The following DAB1 variants were observed in gnomAD, a reference collection of about 807,000 sequenced individuals.
The protein encoded by DAB1 is disabled homolog 1.
DAB1 carries 15 observed loss-of-function variants against 64.6 expected under a neutral mutation model. That is an observed-to-expected ratio of 0.23 (90% CI 0.16 to 0.36). The LOEUF (loss-of-function observed/expected upper bound fraction) is 0.36. DAB1 is among the 10% of genes least tolerant of loss of function. The pLI, the probability that DAB1 is intolerant of heterozygous loss-of-function variation, is 1.00. For missense variants in DAB1, 596 were observed against 706.7 expected, an observed-to-expected ratio of 0.84 and a Z score of 1.78; for synonymous variants, 235 against 251.9, an observed-to-expected ratio of 0.93 and a Z score of 0.64.
chr1:58,212,323 A>G (rs1370773326), intron 4 of DAB1, among the ~76,000 whole-genome samples: 2 of 152,206 alleles, frequency 1.3e-5, no homozygotes, highest in Non-Finnish European at 2.9e-5. Flanking sequence ...TGATGTAGGC[A>G]TGATTATACC....
intron 6 of DAB1, among the ~76,000 whole-genome samples, chr1:57,681,275 GTCT>G: frequency 6.6e-6 from 1 of 152,278 alleles, no homozygotes; most frequent in Admixed American, 6.5e-5. Flanking sequence ...TCAGATGACT[GTCT>G]TCTTATAAGG....
chr1:57,811,257 C>G lies in DAB1; in HGVS notation n.551+72742G>C, dbSNP rs1007907355. Among the ~76,000 whole-genome samples, 3 of 152,290 alleles carry G rather than the reference C, an allele frequency of 2.0e-5. No homozygotes were observed. The East Asian group carries it at 5.8e-4, about 29-fold the overall frequency. On this transcript the variant is annotated intron_variant and non_coding_transcript_variant, in intron 6 of 20. Coordinates refer to the DAB1 transcript ENST00000485760. ...CACGTCAAATTGTAATCCCCAATGTCGAAGGTGGGGGCTGGTGGAAGGTGA... is the reference window on the plus strand; with the variant it reads ...CACGTCAAATTGTAATCCCCAATGTGGAAGGTGGGGGCTGGTGGAAGGTGA...
chr1:57,320,563 A>G (rs1675623896), intron 1 of DAB1, among the ~76,000 whole-genome samples: 1 of 152,208 alleles, frequency 6.6e-6, no homozygotes, highest in African/African-American at 2.4e-5. Flanking sequence ...TGCACATACT[A>G]CAATGCATGG....
chr1:57,405,784 TA>T (rs1454925916), intron 1 of DAB1, among the ~76,000 whole-genome samples: 5 of 152,198 alleles, frequency 3.3e-5, no homozygotes, highest in African/African-American at 9.6e-5. Context: ...GAAGGATCAT[TA>T]AATTATACCG....
intron 7 of DAB1, among the ~76,000 whole-genome samples, chr1:57,491,090 A>G (rs1303432426): frequency 2.0e-5 from 3 of 152,178 alleles, no homozygotes; most frequent in Non-Finnish European, 2.9e-5. Context: ...TAACTCATCT[A>G]TCTTCACTGA....
chr1:57,995,881 G>C (rs1646417461), intron 5 of DAB1, among the ~76,000 whole-genome samples: 1 of 151,970 alleles, frequency 6.6e-6, no homozygotes, highest in Non-Finnish European at 1.5e-5. Flanking sequence ...ATCCAGGATA[G>C]AATCTAAATT....
intron 4 of DAB1, among the ~76,000 whole-genome samples, chr1:58,202,387 GC>G (rs776735941): frequency 2.0e-5 from 3 of 152,332 alleles, no homozygotes; most frequent in Non-Finnish European, 4.4e-5. Flanking sequence ...CTGAGGCTCA[GC>G]AAGATAAAGT....
At chr1:58,118,509 C>A (rs1355977519) in intron 5 of DAB1, among the ~76,000 whole-genome samples, 1 of 84,408 alleles carries the variant, frequency 1.2e-5, no homozygotes, top group Non-Finnish European at 2.3e-5. Context: ...TATATACACA[C>A]ACACACACAC....
chr1:57,712,236 C>T (rs1240470051), intron 6 of DAB1, among the ~76,000 whole-genome samples: 1 of 152,100 alleles, frequency 6.6e-6, no homozygotes, highest in African/African-American at 2.4e-5. Context: ...GTTACTATTG[C>T]CACAATTTTC....
intron 4 of DAB1, among the ~76,000 whole-genome samples, chr1:58,183,708 G>C: frequency 6.6e-6 from 1 of 151,986 alleles, no homozygotes; most frequent in African/African-American, 2.4e-5. Context: ...AGGAATTCTG[G>C]ATTCTGATTC....
intron 3 of DAB1, among the ~76,000 whole-genome samples, chr1:58,398,552 CCTACA>C (rs1644542959): frequency 6.6e-6 from 1 of 152,224 alleles, no homozygotes; most frequent in Admixed American, 6.5e-5. Context: ...AGTATAATAA[CCTACA>C]CTTAGAGAGC....
At chr1:58,477,722 C>T (rs1645432797) in intron 3 of DAB1, among the ~76,000 whole-genome samples, 2 of 152,020 alleles carry the variant, frequency 1.3e-5, no homozygotes, top group African/African-American at 4.8e-5. Flanking sequence ...AGAAAGACTG[C>T]AAAGAAAAAA....
intron 4 of DAB1, among the ~76,000 whole-genome samples, chr1:58,332,039 T>C (rs1662981228): frequency 6.6e-6 from 1 of 152,208 alleles, no homozygotes; most frequent in Admixed American, 6.5e-5. Context: ...TCTGAACTTC[T>C]TCAGCTCCCA....
intron 4 of DAB1, among the ~76,000 whole-genome samples, chr1:58,300,499 A>G (rs1383190443): frequency 7.3e-5 from 11 of 150,534 alleles, no homozygotes; most frequent in African/African-American, 2.7e-4. Flanking sequence ...GTGAGCTGAG[A>G]TCACACTATT....
chr1:58,268,308 G>A (rs1383784480), intron 4 of DAB1, among the ~76,000 whole-genome samples: 2 of 152,084 alleles, frequency 1.3e-5, no homozygotes, highest in South Asian at 2.1e-4. Context: ...ATATATTTAA[G>A]ACCTGAGTGA....
chr1:57,911,342 C>T (rs1644640793), intron 5 of DAB1, among the ~76,000 whole-genome samples: 2 of 152,188 alleles, frequency 1.3e-5, no homozygotes, highest in South Asian at 2.1e-4. Flanking sequence ...TATTCTCTTG[C>T]ATGGTGGCTT....
chr1:57,904,370 C>A (rs1364548922), intron 5 of DAB1, among the ~76,000 whole-genome samples: 1 of 152,164 alleles, frequency 6.6e-6, no homozygotes, highest in Non-Finnish European at 1.5e-5. Context: ...CATTCACCAG[C>A]TGGTTTGTGA....
At chr1:58,530,832 C>T in intron 1 of DAB1, 1 of 669,786 alleles carries the variant, frequency 1.5e-6, no homozygotes, top group Admixed American at 2.5e-5. Context: ...ACCTTCTCCA[C>T]CTAAGACTGA....
intron 7 of DAB1, among the ~76,000 whole-genome samples, chr1:57,571,620 T>G (rs1294124677): frequency 1.3e-5 from 2 of 152,310 alleles, no homozygotes; most frequent in Non-Finnish European, 2.9e-5. Flanking sequence ...TGGAAAAGAA[T>G]GTTGGGCTAG....
Sources: allele counts gnomAD v4.1 joint callset (sites outside exome capture counted in the v4.1 genomes callset), GRCh38; gene constraint gnomAD v4.1.1; transcripts MANE v1.5; gene names NCBI Gene and HGNC (gene_info 2026-07-23, HGNC 2026-07-21).